Variants in AAK1 observed in about 807,000 individuals in gnomAD.
AAK1 encodes AP2-associated protein kinase 1.
Under a neutral mutation model 116.0 loss-of-function variants are expected in AAK1, and 37 were observed. The ratio of observed to expected loss-of-function variants is 0.32; its 90% CI spans 0.25 to 0.42. The LOEUF is 0.42. Ranked by LOEUF, AAK1 falls within the 10% of genes least tolerant of loss-of-function variation. The pLI is 1.00. For missense variants in AAK1, 919 were observed against 1,170.6 expected, an observed-to-expected ratio of 0.79 and a Z score of 3.14; for synonymous variants, 458 against 439.9, an observed-to-expected ratio of 1.04 and a Z score of -0.51.
In AAK1 at chr2:69,472,775, G is replaced by T. The variant is rs1001432855; in HGVS notation, c.*3094C>A. ...GCCCGTTTTAAACTGGTAGATGCCT[G>T]ATTATACATTTAAAAAGAAATCTTC... is the stretch of plus-strand genomic sequence containing the variant. On this transcript the variant is annotated 3_prime_UTR_variant, in exon 22 of 22. Coordinates refer to ENST00000409085, the MANE Select transcript of AAK1 (RefSeq NM_014911.5). 51 of 984,488 alleles carry T rather than the reference G, an allele frequency of 5.2e-5. No individual in the cohort carries two copies. The highest frequency in any genetic ancestry group is 1.7e-5 in the Non-Finnish European group (14 of 829,506). The allele number at this position is 984,488 out of a possible 1,614,324, so 61.0% of individuals were successfully genotyped here.
intron 2 of AAK1, among the ~76,000 whole-genome samples, chr2:69,622,481 C>T (rs894160617): frequency 1.3e-5 from 2 of 152,250 alleles, no homozygotes; most frequent in Non-Finnish European, 2.9e-5. Flanking sequence ...GCAAGATCCA[C>T]TGGGTGAAGC....
chr2:69,613,609 T>G (rs1045353886), intron 2 of AAK1, among the ~76,000 whole-genome samples: 1 of 152,166 alleles, frequency 6.6e-6, no homozygotes, highest in South Asian at 2.1e-4. Context: ...ATTTAATCAA[T>G]CATACCTATG....
At chr2:69,531,964 C>T in intron 6 of AAK1, 77 bp downstream of exon 6, 1 of 1,579,384 alleles carries the variant, frequency 6.3e-7, no homozygotes, top group Non-Finnish European at 8.7e-7. Context: ...CCCACCCTGA[C>T]CTTCTCATCC....
At chr2:69,639,941 T>C (rs958041764) in intron 2 of AAK1, among the ~76,000 whole-genome samples, 5 of 151,058 alleles carry the variant, frequency 3.3e-5, no homozygotes, top group Non-Finnish European at 7.4e-5. Flanking sequence ...CTCTGTCCCC[T>C]AACAATGGGG....
chr2:69,540,684 A>C (rs963584486), intron 5 of AAK1, among the ~76,000 whole-genome samples: 11 of 152,222 alleles, frequency 7.2e-5, no homozygotes, highest in African/African-American at 2.7e-4. Context: ...ACTTTGGAAA[A>C]CAGTTTGAAG....
At chr2:69,559,680 T>C (rs747604824) in intron 2 of AAK1, among the ~76,000 whole-genome samples, 1 of 152,224 alleles carries the variant, frequency 6.6e-6, no homozygotes, top group African/African-American at 2.4e-5. Context: ...AGGAGTCCCA[T>C]GGCTAGTTAT....
intron 17 of AAK1, among the ~76,000 whole-genome samples, chr2:69,493,328 G>C (rs7566426): frequency 0.031 from 4,638 of 151,928 alleles, 272 homozygotes; most frequent in East Asian, 0.19. Context: ...TAAACGACCT[G>C]CTGAGCCTAG....
chr2:69,500,020 G>A, intron 16 of AAK1: 1 of 152,290 alleles, frequency 6.6e-6, no homozygotes, highest in South Asian at 2.1e-4. Context: ...CTCCTCCAAT[G>A]TATAGACACA....
intron 2 of AAK1, among the ~76,000 whole-genome samples, chr2:69,618,972 A>ACC (rs1184376134): frequency 6.7e-6 from 1 of 149,232 alleles, no homozygotes; most frequent in African/African-American, 2.5e-5. Flanking sequence ...CAACCAATCA[A>ACC]CCCCCTGCTT....
chr2:69,543,888 A>C (rs957888665), intron 4 of AAK1, among the ~76,000 whole-genome samples: 1 of 152,166 alleles, frequency 6.6e-6, no homozygotes. Context: ...TGTTTTTTTG[A>C]AACTTGAAGC....
At chr2:69,597,539 CTTTGCAT>C (rs1673352915) in intron 2 of AAK1, 1 of 154,630 alleles carries the variant, frequency 6.5e-6, no homozygotes, top group African/African-American at 2.4e-5. Flanking sequence ...AATACCTTCA[CTTTGCAT>C]TTTGAGAGCA....
intron 10 of AAK1, among the ~76,000 whole-genome samples, chr2:69,523,620 T>C (rs551862576): frequency 6.6e-6 from 1 of 152,324 alleles, no homozygotes; most frequent in South Asian, 2.1e-4. Flanking sequence ...GAATCTGCCA[T>C]TTGGAAGGGG....
chr2:69,482,710 C>G lies in AAK1; in HGVS notation c.2467+1G>C. The G allele has an allele frequency of 6.2e-7, 1 of 1,600,430 alleles. No homozygotes were observed. Among genetic ancestry groups the G allele is most frequent in the Non-Finnish European group, 8.6e-7 (1 of 1,167,656 alleles). ...TGAAGAAACAGAGATGATGACTTTA[C>G]CAATTACAGCATCAGAAGTGCTACC... is the stretch of plus-strand genomic sequence containing the variant. On this transcript the variant is annotated splice_donor_variant, in intron 18 of 21. Coordinates refer to ENST00000409085, the MANE Select transcript of AAK1 (RefSeq NM_014911.5). LOFTEE classifies it high-confidence loss of function.
intron 2 of AAK1, among the ~76,000 whole-genome samples, chr2:69,601,379 G>A (rs1044595659): frequency 3.3e-5 from 5 of 152,210 alleles, no homozygotes; most frequent in South Asian, 2.1e-4. Flanking sequence ...AGCCAGAAGC[G>A]ATGCTTGTTT....
Position 69,469,471 on chromosome 2 carries a change from T to C in AAK1, c.*6398A>G. ...ACAGTTCCTTTATATGAAGGTAGCA[T>C]TGTGTCAACAAGAAAACGTGTTTGA... On this transcript the variant is annotated 3_prime_UTR_variant, in exon 22 of 22. Transcript: ENST00000409085. 2.0e-6 allele frequency: 2 copies of C among 985,468 alleles called. No individual in the cohort carries two copies. The highest frequency in any genetic ancestry group is 2.4e-6 in the Non-Finnish European group (2 of 829,952). The allele number at this position is 985,468 out of a possible 1,614,324, so 61.0% of individuals were successfully genotyped here. A position where few individuals can be genotyped will look rare whatever the true frequency, so the allele number is the denominator to read the frequency against.
chr2:69,625,635 C>A (rs1559013853), intron 2 of AAK1, among the ~76,000 whole-genome samples: 1 of 152,106 alleles, frequency 6.6e-6, no homozygotes, highest in Admixed American at 6.6e-5. Context: ...GGAGTACTTT[C>A]CACTTATGTC....
intron 2 of AAK1, among the ~76,000 whole-genome samples, chr2:69,631,677 C>T (rs1345473146): frequency 6.6e-6 from 1 of 152,220 alleles, no homozygotes; most frequent in Non-Finnish European, 1.5e-5. Context: ...TTACTTGTGA[C>T]TCAACAGAAG....
chr2:69,599,743 TG>T (rs1264082426), intron 2 of AAK1, among the ~76,000 whole-genome samples: 2 of 152,138 alleles, frequency 1.3e-5, no homozygotes, highest in Non-Finnish European at 2.9e-5. Flanking sequence ...ATTATTGCCT[TG>T]TTTTTAAAAA....
Position 69,473,924 on chromosome 2 carries a change from C to CCTTCGTGGATATCTTTTG in AAK1, c.*1927_*1944dup. ...TCACTGCTATCCAACCACAGAGAGC[C>CCTTCGTGGATATCTTTTG]CTTCGTGGATATCTTTTGCTTTTTA... On this transcript the variant is annotated 3_prime_UTR_variant, in exon 22 of 22. Coordinates refer to ENST00000409085, the MANE Select transcript of AAK1 (RefSeq NM_014911.5). The CCTTCGTGGATATCTTTTG allele has an allele frequency of 1.0e-6, 1 of 985,746 alleles. No homozygotes were observed. 61.1% of individuals were successfully genotyped at this position (985,746 alleles called of 1,614,324 possible).
Sources: gnomAD v4.1 joint callset for allele counts (sites outside exome capture counted in the v4.1 genomes callset) on GRCh38, gnomAD v4.1.1 for gene constraint, MANE v1.5 for transcripts, NCBI Gene and HGNC (gene_info 2026-07-23, HGNC 2026-07-21) for gene names.